PSMA6: variants seen among roughly 807,000 people sequenced by gnomAD.
PSMA6 encodes proteasome 20S subunit alpha 6.
For synonymous variants in PSMA6, 88 were observed against 97.7 expected, an observed-to-expected ratio of 0.90 and a Z score of 0.59; for missense variants, 170 against 294.8, an observed-to-expected ratio of 0.58 and a Z score of 3.10.
chr14:35,284,963 A>T lies in PSMA6; in HGVS notation c.19+6245A>T, dbSNP rs576800467. ...TCTGCTGTCTGTGGTTGATTTTTGGAACTTGCCTTTGTTTCACCATTATGG... is the reference window on the plus strand; with the variant it reads ...TCTGCTGTCTGTGGTTGATTTTTGGTACTTGCCTTTGTTTCACCATTATGG... On this transcript the variant is annotated intron_variant, in intron 1 of 6. Transcript: ENST00000540871. 1.1e-4 allele frequency among the ~76,000 whole-genome samples: 17 copies of T among 152,234 alleles called. No homozygotes were observed. In the South Asian group the frequency reaches 3.3e-3, roughly 30 times the overall value.
intron 3 of PSMA6, chr14:35,310,124 A>G: frequency 2.5e-6 from 1 of 400,718 alleles, no homozygotes; most frequent in Non-Finnish European, 4.8e-6. Context: ...CCCATCTCTA[A>G]AAAAAAAATG....
intron 6 of PSMA6, chr14:35,315,675 G>A (rs1223980815): frequency 6.6e-6 from 1 of 150,932 alleles, no homozygotes; most frequent in Non-Finnish European, 1.5e-5. Flanking sequence ...GTGGGGGCAG[G>A]GATCAAGTTG....
At chr14:35,310,959 C>G in intron 4 of PSMA6, 64 bp downstream of exon 4, 1 of 1,482,066 alleles carries the variant, frequency 6.7e-7, no homozygotes, top group East Asian at 2.3e-5. Context: ...AACATGTATA[C>G]AGAATTATTT....
intron 1 of PSMA6, among the ~76,000 whole-genome samples, chr14:35,303,809 A>AT (rs1178086576): frequency 4.6e-5 from 7 of 152,130 alleles, no homozygotes; most frequent in Admixed American, 4.6e-4. Flanking sequence ...ACATGTACAG[A>AT]TTTTTTTCTT....
intron 2 of PSMA6, chr14:35,308,322 G>A: frequency 5.9e-6 from 2 of 340,768 alleles, no homozygotes; most frequent in South Asian, 7.3e-5. Flanking sequence ...TCGGGAGGCT[G>A]AGGCAGGAGA....
In PSMA6 at chr14:35,301,600, G is replaced by T. The variant is rs72666607; in HGVS notation, c.77-6394G>T. On this transcript the variant is annotated intron_variant, in intron 1 of 6. Transcript: ENST00000261479. ...CATATGACTAGTGACTATCATATTG[G>T]ACATTGCAAATATAGAACATTGCCA... Among the ~76,000 whole-genome samples, 11 of 152,016 alleles carry T rather than the reference G, an allele frequency of 7.2e-5. No individual in the cohort carries two copies. In the East Asian group the frequency reaches 1.5e-3, roughly 21 times the overall value.
chr14:35,285,813 A>C (rs1446667898), intron 1 of PSMA6, among the ~76,000 whole-genome samples: 4 of 152,232 alleles, frequency 2.6e-5, no homozygotes, highest in African/African-American at 4.8e-5. Flanking sequence ...TTGATCTTGC[A>C]GTTCCATCCC....
chr14:35,309,957 G>A (rs2051909055), intron 3 of PSMA6, among the ~76,000 whole-genome samples: 1 of 151,918 alleles, frequency 6.6e-6, no homozygotes, highest in Non-Finnish European at 1.5e-5. Flanking sequence ...GGGCAACGGA[G>A]CAAGACTCCA....
At chr14:35,296,636 A>G (rs544582834) in intron 1 of PSMA6, among the ~76,000 whole-genome samples, 1 of 152,266 alleles carries the variant, frequency 6.6e-6, no homozygotes, top group Admixed American at 6.6e-5. Context: ...GCCTTCAATT[A>G]GTATTTTCTG....
At chr14:35,310,489 A>G (rs1291603056) in intron 3 of PSMA6, among the ~76,000 whole-genome samples, 4 of 152,202 alleles carry the variant, frequency 2.6e-5, no homozygotes, top group Non-Finnish European at 5.9e-5. Context: ...TGCAGAAACT[A>G]TTTTGACTGC....
At chr14:35,312,840 A>G (rs771457064) in intron 4 of PSMA6, 41 bp from the exon 5 acceptor site, 2 of 1,529,002 alleles carry the variant, frequency 1.3e-6, no homozygotes, top group South Asian at 1.2e-5. Context: ...ATGTCATTGT[A>G]TAAAGCTAAA....
intron 1 of PSMA6, among the ~76,000 whole-genome samples, chr14:35,302,865 A>AT (rs1362226553): frequency 4.6e-5 from 7 of 150,934 alleles, no homozygotes; most frequent in Admixed American, 4.6e-4. Flanking sequence ...TGCTTCTTTC[A>AT]TTTTTTCTTT....
intron 1 of PSMA6, among the ~76,000 whole-genome samples, chr14:35,302,454 A>G (rs987225604): frequency 3.3e-5 from 5 of 152,108 alleles, no homozygotes; most frequent in East Asian, 1.9e-4. Flanking sequence ...TCTGTTTTCA[A>G]AATTTTTTCT....
chr14:35,298,758 G>C (rs1159385502), intron 1 of PSMA6, among the ~76,000 whole-genome samples: 1 of 151,764 alleles, frequency 6.6e-6, no homozygotes, highest in Non-Finnish European at 1.5e-5. Context: ...TTTGGAGACA[G>C]AGTTTCACTC....
In PSMA6 at chr14:35,317,381, G is replaced by A; in HGVS notation, c.*75G>A. The A allele has an allele frequency of 7.4e-7, 1 of 1,350,784 alleles. No individual in the cohort carries two copies. Among genetic ancestry groups the A allele is most frequent in the Non-Finnish European group, 1.1e-6 (1 of 945,090 alleles). 83.7% of individuals were successfully genotyped at this position (1,350,784 alleles called of 1,614,324 possible). On this transcript the variant is annotated 3_prime_UTR_variant, in exon 7 of 7. Coordinates refer to ENST00000261479, the MANE Select transcript of PSMA6 (RefSeq NM_002791.3). ...GGTAACAACAAACCAACATCATGGA[G>A]GTCCCTGGATTGAAAAAGGAGCCTC... is the stretch of plus-strand genomic sequence containing the variant.
chr14:35,307,940 G>A (rs978665827), intron 1 of PSMA6, 54 bp from the exon 2 acceptor site: 1 of 1,523,284 alleles, frequency 6.6e-7, no homozygotes. Flanking sequence ...TTATTTCATT[G>A]CAAGAATCTA....
At chr14:35,292,641 TG>T (rs1475861311) in intron 1 of PSMA6, 89 bp downstream of exon 1, 13 of 1,556,852 alleles carry the variant, frequency 8.4e-6, no homozygotes, top group Non-Finnish European at 1.1e-5. Flanking sequence ...GGGTTTAGTC[TG>T]GGGCCGAAGC....
chr14:35,298,261 A>AG (rs1044363293), intron 1 of PSMA6, among the ~76,000 whole-genome samples: 21 of 152,080 alleles, frequency 1.4e-4, no homozygotes, highest in African/African-American at 5.1e-4. Context: ...AGGCCGAGGC[A>AG]GGTGGATAAC....
At chr14:35,297,125 T>TG (rs1433499045) in intron 1 of PSMA6, among the ~76,000 whole-genome samples, 1 of 144,282 alleles carries the variant, frequency 6.9e-6, no homozygotes, top group South Asian at 2.2e-4. Flanking sequence ...CAAAGTTTTT[T>TG]TTTTTTTTTT....
Sources: gnomAD v4.1 joint callset for allele counts (sites outside exome capture counted in the v4.1 genomes callset) on GRCh38, gnomAD v4.1.1 for gene constraint, MANE v1.5 for transcripts, NCBI Gene and HGNC (gene_info 2026-07-23, HGNC 2026-07-21) for gene names.